CACNA2D1: variants seen among roughly 807,000 people sequenced by gnomAD.
CACNA2D1 encodes the protein voltage-dependent calcium channel subunit alpha-2/delta-1.
In CACNA2D1, 53 loss-of-function variants were observed where a neutral mutation model predicts 171.5. That is an observed-to-expected ratio of 0.31 (90% CI 0.25 to 0.39). CACNA2D1 has a LOEUF of 0.39. Among genes scored for constraint, CACNA2D1 ranks in the 10% least tolerant of loss-of-function variants. CACNA2D1 has a pLI of 1.00. For synonymous variants in CACNA2D1, 442 were observed against 443.1 expected (o/e 1.00, Z 0.03); for missense variants, 903 against 1,299.8 (o/e 0.69, Z 4.69).
intron 4 of CACNA2D1, among the ~76,000 whole-genome samples, chr7:82,154,932 G>T (rs1173755788): frequency 6.6e-6 from 1 of 152,092 alleles, no homozygotes; most frequent in East Asian, 1.9e-4. Flanking sequence ...ATGGGGCCTG[G>T]TGAGAGGTGA....
intron 4 of CACNA2D1, among the ~76,000 whole-genome samples, chr7:82,147,971 T>A (rs992938750): frequency 1.8e-4 from 27 of 152,058 alleles, no homozygotes; most frequent in Non-Finnish European, 3.1e-4. Flanking sequence ...TCCTTGCTCA[T>A]CCCCAGGAGA....
At chr7:82,043,207 AAT>A (rs1185714365) in intron 10 of CACNA2D1, among the ~76,000 whole-genome samples, 3 of 152,330 alleles carry the variant, frequency 2.0e-5, no homozygotes, top group East Asian at 1.9e-4. Flanking sequence ...TTAGCTCTGC[AAT>A]ATGTTGTTAA....
intron 4 of CACNA2D1, among the ~76,000 whole-genome samples, chr7:82,136,997 G>T (rs539908894): frequency 1.3e-5 from 2 of 152,212 alleles, no homozygotes; most frequent in East Asian, 3.9e-4. Flanking sequence ...AATACACAAT[G>T]AACAGGATAA....
At chr7:82,238,465 C>T (rs1803874210) in intron 3 of CACNA2D1, among the ~76,000 whole-genome samples, 2 of 151,828 alleles carry the variant, frequency 1.3e-5, no homozygotes, top group South Asian at 4.1e-4. Context: ...ATACGGCCAA[C>T]AATCATATGA....
intron 1 of CACNA2D1, among the ~76,000 whole-genome samples, chr7:82,414,634 G>A (rs1827992955): frequency 6.6e-6 from 1 of 152,176 alleles, no homozygotes; most frequent in Admixed American, 6.5e-5. Flanking sequence ...GAAAGAGAAG[G>A]CACACCACAT....
chr7:81,950,638 T>A, intron 38 of CACNA2D1, 130 bp from the exon 39 acceptor site: 1 of 1,289,456 alleles, frequency 7.8e-7, no homozygotes, highest in Non-Finnish European at 1.0e-6. Flanking sequence ...AAAACTGCTG[T>A]AATTGAAATC....
intron 6 of CACNA2D1, among the ~76,000 whole-genome samples, chr7:82,087,997 T>C (rs1054780355): frequency 9.9e-5 from 15 of 152,192 alleles, no homozygotes; most frequent in Non-Finnish European, 1.9e-4. Context: ...CCCTTGTCTC[T>C]ATCTCTCCCC....
At chr7:82,091,518 AGAG>A (rs1191228481) in intron 6 of CACNA2D1, among the ~76,000 whole-genome samples, 1 of 152,216 alleles carries the variant, frequency 6.6e-6, no homozygotes, top group African/African-American at 2.4e-5. Flanking sequence ...TGTGGAGCAC[AGAG>A]GAGGAGCTCA....
chr7:82,312,969 AT>A (rs774753577), intron 3 of CACNA2D1, among the ~76,000 whole-genome samples: 5 of 152,126 alleles, frequency 3.3e-5, no homozygotes, highest in Non-Finnish European at 7.4e-5. Context: ...TCTTGTTTCC[AT>A]AGAAATGCCT....
At chr7:82,346,101 C>A (rs1031382356) in intron 2 of CACNA2D1, among the ~76,000 whole-genome samples, 12 of 152,182 alleles carry the variant, frequency 7.9e-5, no homozygotes, top group African/African-American at 2.7e-4. Flanking sequence ...AAATCTCTTT[C>A]CCTTTACATG....
At chr7:82,050,491 T>G in intron 10 of CACNA2D1, 1 of 678,526 alleles carries the variant, frequency 1.5e-6, no homozygotes, top group Non-Finnish European at 2.7e-6. Context: ...CAGCCAGGAG[T>G]CCCAAGATGA....
chr7:82,152,349 A>C (rs1188217469), intron 4 of CACNA2D1, among the ~76,000 whole-genome samples: 1 of 150,502 alleles, frequency 6.6e-6, no homozygotes, highest in Admixed American at 6.7e-5. Flanking sequence ...GAAAAGGTTA[A>C]TACTTGAGAA....
At chr7:82,020,623 T>G (rs1358591842) in intron 12 of CACNA2D1, among the ~76,000 whole-genome samples, 2 of 152,078 alleles carry the variant, frequency 1.3e-5, no homozygotes, top group Non-Finnish European at 2.9e-5. Context: ...TTAGTGGGTC[T>G]TTAGCCTTTT....
chr7:82,392,826 C>G (rs1258571833), intron 1 of CACNA2D1, among the ~76,000 whole-genome samples: 1 of 151,880 alleles, frequency 6.6e-6, no homozygotes, highest in African/African-American at 2.4e-5. Context: ...AAATATGTTG[C>G]TTTGGATTTA....
chr7:82,045,735 C>A (rs1804477656), intron 10 of CACNA2D1, among the ~76,000 whole-genome samples: 1 of 152,076 alleles, frequency 6.6e-6, no homozygotes, highest in South Asian at 2.1e-4. Context: ...TTGAGAATCA[C>A]CTGCGTGCCA....
At chr7:82,232,706 A>G (rs1803084936) in intron 3 of CACNA2D1, among the ~76,000 whole-genome samples, 1 of 151,904 alleles carries the variant, frequency 6.6e-6, no homozygotes, top group Non-Finnish European at 1.5e-5. Context: ...TCTACTAAAA[A>G]TACAAAAATT....
chr7:82,250,265 C>G (rs1805471085), intron 3 of CACNA2D1, among the ~76,000 whole-genome samples: 1 of 152,222 alleles, frequency 6.6e-6, no homozygotes, highest in South Asian at 2.1e-4. Context: ...GGAATACATT[C>G]AAACCACAGT....
At chr7:82,133,964 T>C (rs2129073996) in intron 5 of CACNA2D1, among the ~76,000 whole-genome samples, 1 of 151,844 alleles carries the variant, frequency 6.6e-6, no homozygotes, top group Non-Finnish European at 1.5e-5. Context: ...TCCCAGCTAC[T>C]CAGGAGGCTG....
chr7:82,201,116 G>A (rs1453995834), intron 3 of CACNA2D1, among the ~76,000 whole-genome samples: 1 of 152,174 alleles, frequency 6.6e-6, no homozygotes, highest in Non-Finnish European at 1.5e-5. Flanking sequence ...GATACCACTA[G>A]ATACCAGGTA....
Sources: allele counts gnomAD v4.1 joint callset (sites outside exome capture counted in the v4.1 genomes callset), GRCh38; gene constraint gnomAD v4.1.1; transcripts MANE v1.5; gene names NCBI Gene and HGNC (gene_info 2026-07-23, HGNC 2026-07-21).